PCDHA12: variants seen among roughly 807,000 people sequenced by gnomAD.
PCDHA12 encodes protocadherin alpha-12.
In PCDHA12, 44 loss-of-function variants were observed where a neutral mutation model predicts 60.0. The observed-to-expected ratio is 0.73, with a 90% CI of 0.58 to 0.94. The LOEUF (loss-of-function observed/expected upper bound fraction) is 0.94, where lower values mean the gene tolerates loss of function less well. Among genes scored for constraint, PCDHA12 ranks in the 40% least tolerant of loss-of-function variants. The pLI, the probability that PCDHA12 is intolerant of heterozygous loss-of-function variation, is 0.00. For synonymous variants in PCDHA12, 569 were observed against 553.0 expected, an observed-to-expected ratio of 1.03 and a Z score of -0.40; for missense variants, 1,276 against 1,239.7, an observed-to-expected ratio of 1.03 and a Z score of -0.44.
chr5:140,942,132 TG>T (rs1554214846), intron 1 of PCDHA12, among the ~76,000 whole-genome samples: 1 of 152,250 alleles, frequency 6.6e-6, no homozygotes, highest in African/African-American at 2.4e-5. Flanking sequence ...GTGATATTTG[TG>T]GCTTTACTTG....
chr5:140,883,806 A>T (rs1554180079), intron 1 of PCDHA12: 1 of 1,612,344 alleles, frequency 6.2e-7, no homozygotes, highest in East Asian at 2.2e-5. Flanking sequence ...GTGCACGCGG[A>T]GAGCGGCAAG....
intron 3 of PCDHA12, among the ~76,000 whole-genome samples, chr5:140,996,976 G>A (rs573896136): frequency 2.6e-5 from 4 of 152,078 alleles, no homozygotes; most frequent in East Asian, 3.9e-4. Flanking sequence ...CTCCCCTTTG[G>A]TGAAGCAACC....
At chr5:140,907,712 T>A (rs1562961756) in intron 1 of PCDHA12, among the ~76,000 whole-genome samples, 1 of 152,198 alleles carries the variant, frequency 6.6e-6, no homozygotes, top group African/African-American at 2.4e-5. Context: ...GCTGAGCCCA[T>A]GTGTAACCTC....
intron 1 of PCDHA12, among the ~76,000 whole-genome samples, chr5:140,899,128 T>A (rs1217010779): frequency 3.9e-5 from 6 of 152,160 alleles, no homozygotes; most frequent in Non-Finnish European, 7.3e-5. Context: ...CAATCATGTC[T>A]TCTGCAAACA....
At chr5:141,000,238 G>T (rs111531743) in intron 3 of PCDHA12, among the ~76,000 whole-genome samples, 3 of 151,558 alleles carry the variant, frequency 2.0e-5, no homozygotes, top group African/African-American at 7.3e-5. Flanking sequence ...GCTGAATGTG[G>T]TGGCTGACAC....
At chr5:140,968,283 A>G in intron 1 of PCDHA12, 1 of 1,613,726 alleles carries the variant, frequency 6.2e-7, no homozygotes, top group Non-Finnish European at 8.5e-7. Flanking sequence ...GAGGTGACCT[A>G]CTCCCTTCTG....
chr5:140,970,471 G>T (rs773565871), intron 1 of PCDHA12, among the ~76,000 whole-genome samples: 1 of 152,142 alleles, frequency 6.6e-6, no homozygotes, highest in African/African-American at 2.4e-5. Context: ...TAGGTATAAG[G>T]CCAGCTTGTT....
At position 140,892,541 on chromosome 5, in the gene PCDHA12, T is replaced by C. The variant is rs192378744; in HGVS notation, c.2367+14702T>C. Among the ~76,000 whole-genome samples, 471 of 152,362 alleles carry C rather than the reference T, an allele frequency of 3.1e-3. 2 individuals are homozygous for C. Among genetic ancestry groups the C allele is most frequent in the African/African-American group, 0.011 (438 of 41,580 alleles). On this transcript the variant is annotated intron_variant, in intron 1 of 3. Coordinates refer to ENST00000398631, the MANE Select transcript of PCDHA12 (RefSeq NM_018903.4). ...CTGGTAGACTCAGGATTCTGACTTTTGTTTCTCTAGTCCTTGGAGACTGTC... is the reference window on the plus strand; with the variant it reads ...CTGGTAGACTCAGGATTCTGACTTTCGTTTCTCTAGTCCTTGGAGACTGTC...
intron 3 of PCDHA12, among the ~76,000 whole-genome samples, chr5:140,996,702 T>A (rs2097740306): frequency 6.6e-6 from 1 of 152,174 alleles, no homozygotes; most frequent in African/African-American, 2.4e-5. Context: ...TGAACCTCTA[T>A]CTCTTTGATT....
At chr5:140,903,695 A>G (rs1325722558) in intron 1 of PCDHA12, among the ~76,000 whole-genome samples, 9 of 152,238 alleles carry the variant, frequency 5.9e-5, no homozygotes, top group African/African-American at 1.7e-4. Flanking sequence ...AATAGTTTAA[A>G]ATAGTAATAA....
intron 3 of PCDHA12, among the ~76,000 whole-genome samples, chr5:140,992,328 A>G (rs2097505285): frequency 6.6e-6 from 1 of 152,150 alleles, no homozygotes; most frequent in South Asian, 2.1e-4. Flanking sequence ...CTTTTCTAAG[A>G]GCAAAGATGG....
At chr5:140,913,021 A>G (rs548086979) in intron 1 of PCDHA12, among the ~76,000 whole-genome samples, 1 of 152,154 alleles carries the variant, frequency 6.6e-6, no homozygotes, top group South Asian at 2.1e-4. Context: ...TTTTGCATCA[A>G]TATTCATCAG....
intron 1 of PCDHA12, among the ~76,000 whole-genome samples, chr5:140,908,899 C>CT (rs1382483322): frequency 6.6e-6 from 1 of 152,194 alleles, no homozygotes; most frequent in Non-Finnish European, 1.5e-5. Flanking sequence ...AAATAAGCCT[C>CT]TTTCGTGGTT....
chr5:140,981,459 A>C (rs1267670163), intron 2 of PCDHA12, among the ~76,000 whole-genome samples: 1 of 152,176 alleles, frequency 6.6e-6, no homozygotes, highest in Non-Finnish European at 1.5e-5. Context: ...CTGTAGTCCC[A>C]GCTACTTGGG....
chr5:140,985,508 A>G (rs2097155357), intron 3 of PCDHA12, among the ~76,000 whole-genome samples: 1 of 152,160 alleles, frequency 6.6e-6, no homozygotes, highest in Admixed American at 6.5e-5. Context: ...CCTTTCATTG[A>G]TTCTGTTGCC....
chr5:140,895,786 A>G (rs2065159984), intron 1 of PCDHA12, among the ~76,000 whole-genome samples: 2 of 152,080 alleles, frequency 1.3e-5, no homozygotes, highest in Non-Finnish European at 2.9e-5. Context: ...GTATTCAATG[A>G]CGTATATGTA....
At chr5:140,951,597 C>T (rs1445745403) in intron 1 of PCDHA12, among the ~76,000 whole-genome samples, 1 of 152,098 alleles carries the variant, frequency 6.6e-6, no homozygotes, top group East Asian at 1.9e-4. Flanking sequence ...ATCTCTCTCA[C>T]TGTTATGAGA....
At chr5:140,991,298 A>G (rs555776023) in intron 3 of PCDHA12, among the ~76,000 whole-genome samples, 1 of 152,288 alleles carries the variant, frequency 6.6e-6, no homozygotes, top group Non-Finnish European at 1.5e-5. Context: ...ACACATTACT[A>G]TTATCTTGTC....
At chr5:140,907,840 A>C (rs2073633940) in intron 1 of PCDHA12, among the ~76,000 whole-genome samples, 1 of 152,160 alleles carries the variant, frequency 6.6e-6, no homozygotes, top group South Asian at 2.1e-4. Context: ...TGTTTATTAA[A>C]ATCCTCCTCT....
Sources: allele counts gnomAD v4.1 joint callset (sites outside exome capture counted in the v4.1 genomes callset), GRCh38; gene constraint gnomAD v4.1.1; transcripts MANE v1.5; gene names NCBI Gene and HGNC (gene_info 2026-07-23, HGNC 2026-07-21).